MINDY3: variants seen among roughly 807,000 people sequenced by gnomAD.
MINDY3 encodes ubiquitin carboxyl-terminal hydrolase MINDY-3.
Under a neutral mutation model 69.2 loss-of-function variants are expected in MINDY3, and 38 were observed. That is an observed-to-expected ratio of 0.55 (90% CI 0.42 to 0.72). The LOEUF is 0.72. Ranked by LOEUF, MINDY3 falls within the 30% of genes least tolerant of loss-of-function variation. MINDY3 has a pLI of 0.00. For synonymous variants in MINDY3, 192 were observed against 180.1 expected, an observed-to-expected ratio of 1.07 and a Z score of -0.53; for missense variants, 522 against 519.0, an observed-to-expected ratio of 1.01 and a Z score of -0.06.
intron 4 of MINDY3, among the ~76,000 whole-genome samples, chr10:15,840,872 G>A (rs186643180): frequency 6.6e-6 from 1 of 151,406 alleles, no homozygotes; most frequent in East Asian, 1.9e-4. Context: ...ATTATTTAAC[G>A]TAAACAGCTA....
intron 1 of MINDY3, among the ~76,000 whole-genome samples, chr10:15,850,854 TG>T (rs1834234294): frequency 6.6e-6 from 1 of 152,166 alleles, no homozygotes; most frequent in Non-Finnish European, 1.5e-5. Flanking sequence ...CCTGCTGACA[TG>T]TGATGTCTCC....
rs1033210293 is a variant in MINDY3 at position 15,778,300 on chromosome 10, A to G, written c.*692T>C. 1 of 152,220 alleles carries G rather than the reference A, an allele frequency of 6.6e-6. No homozygotes were observed. The highest frequency in any genetic ancestry group is 6.5e-5 in the Admixed American group (1 of 15,272). The allele number at this position is 152,220 out of a possible 1,614,324, so 9.4% of individuals were successfully genotyped here. A position where few individuals can be genotyped will look rare whatever the true frequency, so the allele number is the denominator to read the frequency against. On this transcript the variant is annotated 3_prime_UTR_variant, in exon 15 of 15. Transcript: ENST00000277632. ...TAAATATAGAAGAAAGCTGGCTTAC[A>G]GGGCTGTTGGGACAAATTTGGAAAA...
intron 8 of MINDY3, 60 bp downstream of exon 8, chr10:15,833,570 G>T: frequency 9.4e-7 from 1 of 1,060,472 alleles, no homozygotes; most frequent in Non-Finnish European, 1.5e-6. Flanking sequence ...ATAATAATCA[G>T]CTGTATTCCA....
intron 11 of MINDY3, among the ~76,000 whole-genome samples, chr10:15,794,934 TA>T (rs1164313694): frequency 1.3e-5 from 2 of 152,182 alleles, no homozygotes; most frequent in Admixed American, 6.5e-5. Context: ...TATTCTTTAA[TA>T]GTTATTATCT....
chr10:15,780,336 T>C (rs1450515643), intron 14 of MINDY3, among the ~76,000 whole-genome samples: 1 of 152,236 alleles, frequency 6.6e-6, no homozygotes, highest in Non-Finnish European at 1.5e-5. Context: ...AGTTAATATA[T>C]TAGTTTCTAG....
Position 15,786,550 on chromosome 10 carries a change from A to G in MINDY3, c.1116+11T>C. 6.9e-7 allele frequency: 1 copy of G among 1,443,536 alleles called. No individual in the cohort carries two copies. Among genetic ancestry groups the G allele is most frequent in the Non-Finnish European group, 9.7e-7 (1 of 1,032,722 alleles). 89.4% of individuals were successfully genotyped at this position (1,443,536 alleles called of 1,614,324 possible). A position where few individuals can be genotyped will look rare whatever the true frequency, so the allele number is the denominator to read the frequency against. ...AGAATAACAATGAATATATTTCCTCAACTATGTTACCTGATCAGGAAAAAA... is the reference window on the plus strand; with the variant it reads ...AGAATAACAATGAATATATTTCCTCGACTATGTTACCTGATCAGGAAAAAA... On this transcript the variant is annotated intron_variant, in intron 13 of 14. Transcript: ENST00000277632.
chr10:15,797,054 A>G (rs1014690246), intron 10 of MINDY3, among the ~76,000 whole-genome samples: 6 of 152,016 alleles, frequency 3.9e-5, no homozygotes, highest in African/African-American at 1.4e-4. Context: ...ATGGGGTACA[A>G]ATGTTAACAT....
chr10:15,818,198 TTTCTGAC>T (rs908023347), intron 9 of MINDY3, among the ~76,000 whole-genome samples: 2 of 152,104 alleles, frequency 1.3e-5, no homozygotes, highest in African/African-American at 4.8e-5. Flanking sequence ...GGACTTAAGT[TTTCTGAC>T]TTCTATCTAC....
intron 10 of MINDY3, among the ~76,000 whole-genome samples, chr10:15,816,072 C>T (rs1459672275): frequency 1.3e-5 from 2 of 151,894 alleles, no homozygotes; most frequent in African/African-American, 2.4e-5. Flanking sequence ...TTGAGACCAG[C>T]CTGGCCAACA....
intron 9 of MINDY3, among the ~76,000 whole-genome samples, chr10:15,819,224 C>G (rs1012378579): frequency 1.3e-5 from 2 of 152,190 alleles, no homozygotes; most frequent in Admixed American, 1.3e-4. Context: ...TTCAGACTTA[C>G]AAAATTAACA....
rs965921135 is a variant in MINDY3 at position 15,783,116 on chromosome 10, T to C, written c.1117-890A>G. Among the ~76,000 whole-genome samples the C allele has an allele frequency of 3.3e-5, 5 of 152,276 alleles. No individual in the cohort carries two copies. In the South Asian group the frequency reaches 1.0e-3, roughly 32 times the overall value. ...AGCTGCTGGCAACTGGAGCTTCAGC[T>C]CCTACAGAAAGATAGGCTGTGAGAA... On this transcript the variant is annotated intron_variant, in intron 13 of 14. Coordinates refer to ENST00000277632, the MANE Select transcript of MINDY3 (RefSeq NM_024948.4).
chr10:15,797,045 TG>T (rs1488895404), intron 10 of MINDY3, among the ~76,000 whole-genome samples: 3 of 152,076 alleles, frequency 2.0e-5, no homozygotes, highest in Non-Finnish European at 4.4e-5. Flanking sequence ...ATCCTTTTTA[TG>T]GGGTACAAAT....
intron 8 of MINDY3, among the ~76,000 whole-genome samples, chr10:15,832,699 C>G (rs1225807054): frequency 6.6e-6 from 1 of 152,090 alleles, no homozygotes; most frequent in Non-Finnish European, 1.5e-5. Flanking sequence ...ATTTTTTAAA[C>G]AGTAAAACGG....
In MINDY3 at chr10:15,860,237, G is replaced by A. The variant is rs754890412; in HGVS notation, c.63C>T (p.Leu21=). The change falls in exon 1 of 15, where the codon CTC becomes CTT. Residue 21 remains leucine, a synonymous_variant. Coordinates refer to ENST00000277632, the MANE Select transcript of MINDY3 (RefSeq NM_024948.4). The part of the protein sequence containing the change: ...LVWGTKSSPG[L]SDTIFCRWTQ... ...TCCAGCGGCAGAAAATGGTGTCCGA[G>A]AGACCGGGGCTGCTCTTGGTGCCCC... The A allele has an allele frequency of 1.9e-6, 3 of 1,610,810 alleles. No individual in the cohort carries two copies. Among genetic ancestry groups the A allele is most frequent in the Admixed American group, 1.7e-5 (1 of 59,644 alleles).
intron 10 of MINDY3, among the ~76,000 whole-genome samples, chr10:15,804,747 G>C (rs1838512118): frequency 1.3e-5 from 2 of 151,974 alleles, no homozygotes; most frequent in Non-Finnish European, 2.9e-5. Flanking sequence ...AAATAATTTG[G>C]GAAATAGATT....
At chr10:15,796,589 G>A (rs376883214) in intron 10 of MINDY3, among the ~76,000 whole-genome samples, 12 of 151,136 alleles carry the variant, frequency 7.9e-5, no homozygotes, top group African/African-American at 1.9e-4. Context: ...TCAAATATTC[G>A]AAAATAAAAT....
At chr10:15,807,403 C>T (rs115321521) in intron 10 of MINDY3, among the ~76,000 whole-genome samples, 5,411 of 152,216 alleles carry the variant, frequency 0.036, 307 homozygotes, top group African/African-American at 0.12. Context: ...CTGAGCAAGA[C>T]TTTGATAAGC....
intron 10 of MINDY3, among the ~76,000 whole-genome samples, chr10:15,805,488 T>C (rs1838574330): frequency 6.6e-6 from 1 of 152,168 alleles, no homozygotes; most frequent in African/African-American, 2.4e-5. Context: ...TCACTGGAAT[T>C]AAACTGTTCA....
At chr10:15,848,633 C>CAAAAAAACAAAAA (rs1834027473) in intron 1 of MINDY3, among the ~76,000 whole-genome samples, 1 of 48,792 alleles carries the variant, frequency 2.0e-5, no homozygotes, top group Non-Finnish European at 3.1e-5. Flanking sequence ...GACTTCATCT[C>CAAAAAAACAAAAA]AAAAAAAAAA....
Sources: gnomAD v4.1 joint callset for allele counts (sites outside exome capture counted in the v4.1 genomes callset) on GRCh38, gnomAD v4.1.1 for gene constraint, MANE v1.5 for transcripts, NCBI Gene and HGNC (gene_info 2026-07-23, HGNC 2026-07-21) for gene names.